The following PPARGC1A variants were observed in gnomAD, a reference collection of about 807,000 sequenced individuals.
PPARGC1A encodes the protein peroxisome proliferator-activated receptor gamma coactivator 1-alpha.
Under a neutral mutation model 88.7 loss-of-function variants are expected in PPARGC1A, and 25 were observed. The ratio of observed to expected loss-of-function variants is 0.28; its 90% CI spans 0.21 to 0.39. The LOEUF is 0.39. Among genes scored for constraint, PPARGC1A ranks in the 10% least tolerant of loss-of-function variants. The probability of loss-of-function intolerance (pLI) is 1.00; values close to 1 mark genes in which losing one functional copy is unlikely to be tolerated. For synonymous variants in PPARGC1A, 363 were observed against 355.6 expected (o/e 1.02, Z -0.24); for missense variants, 880 against 968.7 (o/e 0.91, Z 1.22).
At chr4:24,383,520 A>G in the PPARGC1A span, among the ~76,000 whole-genome samples, 363 of 152,296 alleles carry the variant, frequency 2.4e-3, 3 homozygotes, top group African/African-American at 8.5e-3. Flanking sequence ...ACCAGTTTAG[A>G]GAAGAACATA....
At chr4:23,861,807 T>C (rs1731264970) in intron 2 of PPARGC1A, among the ~76,000 whole-genome samples, 2 of 152,226 alleles carry the variant, frequency 1.3e-5, no homozygotes, top group African/African-American at 4.8e-5. Flanking sequence ...GAAATATACA[T>C]ATATTCCATT....
At chr4:24,120,806 A>G in the PPARGC1A span, among the ~76,000 whole-genome samples, 1 of 152,168 alleles carries the variant, frequency 6.6e-6, no homozygotes. Flanking sequence ...TGAGCTAGAA[A>G]GTGGTCCCTC....
At chr4:24,105,381 G>T in the PPARGC1A span, among the ~76,000 whole-genome samples, 1 of 152,170 alleles carries the variant, frequency 6.6e-6, no homozygotes, top group Admixed American at 6.5e-5. Context: ...CTGGTGAAAA[G>T]CTAGGGGGAG....
At chr4:23,853,903 T>C (rs886350918) in intron 2 of PPARGC1A, among the ~76,000 whole-genome samples, 1 of 152,170 alleles carries the variant, frequency 6.6e-6, no homozygotes, top group African/African-American at 2.4e-5. Context: ...ATTACTAGGA[T>C]TGGGGACCTA....
chr4:24,033,374 A>G, the PPARGC1A span, among the ~76,000 whole-genome samples: 2 of 151,134 alleles, frequency 1.3e-5, no homozygotes, highest in African/African-American at 4.9e-5. Context: ...TAAAGGAGAT[A>G]GAAGGGATAA....
chr4:23,958,298 A>C, the PPARGC1A span, among the ~76,000 whole-genome samples: 1 of 152,174 alleles, frequency 6.6e-6, no homozygotes, highest in African/African-American at 2.4e-5. Context: ...CCTCTAGATG[A>C]AACAATTTGA....
the PPARGC1A span, among the ~76,000 whole-genome samples, chr4:24,423,947 G>T: frequency 1.3e-5 from 2 of 152,058 alleles, no homozygotes; most frequent in African/African-American, 4.8e-5. Flanking sequence ...ATTCTTTTTG[G>T]CACCTTTTCT....
the PPARGC1A span, among the ~76,000 whole-genome samples, chr4:24,271,613 G>A: frequency 1.3e-5 from 2 of 152,048 alleles, no homozygotes; most frequent in Non-Finnish European, 2.9e-5. Flanking sequence ...TCCTGACCTC[G>A]TGATCCACCC....
rs753811432 is a variant in PPARGC1A, at chr4:23,828,506, G to A, written c.651C>T (p.Asn217=). Residue 217 remains asparagine, a synonymous_variant, in exon 5 of 13, where the codon AAC becomes AAT. Coordinates refer to ENST00000264867, the MANE Select transcript of PPARGC1A (RefSeq NM_013261.5). Reference sequence around the variant, plus strand: ...TGGGTTTGGTGTGAGGAGGGTCATCGTTTGTGGTCAGATATTTGAGAAGCT... The same window carrying A: ...TGGGTTTGGTGTGAGGAGGGTCATCATTTGTGGTCAGATATTTGAGAAGCT... The part of the protein sequence containing the change: ...CSELLKYLTT[N]DDPPHTKPTE... The A allele has an allele frequency of 6.8e-6, 11 of 1,613,912 alleles. No homozygotes were observed. The highest frequency in any genetic ancestry group is 5.9e-6 in the Non-Finnish European group (7 of 1,179,950).
chr4:24,390,713 G>A, the PPARGC1A span, among the ~76,000 whole-genome samples: 1 of 151,882 alleles, frequency 6.6e-6, no homozygotes, highest in Non-Finnish European at 1.5e-5. Context: ...CATTTCCCAG[G>A]TTACGAAGTA....
the PPARGC1A span, among the ~76,000 whole-genome samples, chr4:24,317,122 G>T: frequency 1.3e-5 from 2 of 152,118 alleles, no homozygotes; most frequent in Admixed American, 6.6e-5. Context: ...GCTTAAAGAG[G>T]TTGGGTAAGC....
At chr4:24,354,760 G>A in the PPARGC1A span, among the ~76,000 whole-genome samples, 9 of 152,102 alleles carry the variant, frequency 5.9e-5, no homozygotes, top group South Asian at 8.3e-4. Context: ...GGTGGCAGGC[G>A]CCTGTAGTCC....
the PPARGC1A span, among the ~76,000 whole-genome samples, chr4:24,138,814 T>C: frequency 1.3e-5 from 2 of 152,208 alleles, no homozygotes; most frequent in South Asian, 4.1e-4. Flanking sequence ...AAGATCCTAG[T>C]GTGTGCATAT....
the PPARGC1A span, among the ~76,000 whole-genome samples, chr4:24,468,580 C>A: frequency 6.6e-6 from 1 of 152,136 alleles, no homozygotes; most frequent in Non-Finnish European, 1.5e-5. Flanking sequence ...ACATTGGGCT[C>A]TCTCCAAAAA....
At chr4:24,251,102 C>T in the PPARGC1A span, among the ~76,000 whole-genome samples, 1 of 152,266 alleles carries the variant, frequency 6.6e-6, no homozygotes, top group African/African-American at 2.4e-5. Flanking sequence ...CTGTAAAAAT[C>T]ATTGTTTTCC....
the PPARGC1A span, among the ~76,000 whole-genome samples, chr4:24,127,854 G>T: frequency 6.6e-6 from 1 of 152,030 alleles, no homozygotes; most frequent in Non-Finnish European, 1.5e-5. Context: ...AAAATAGTAA[G>T]GAAAATGCAT....
At chr4:23,812,482 A>G (rs1433497148) in intron 10 of PPARGC1A, among the ~76,000 whole-genome samples, 1 of 152,114 alleles carries the variant, frequency 6.6e-6, no homozygotes, top group Non-Finnish European at 1.5e-5. Context: ...TACTCCCTCC[A>G]TTTTTCAAAA....
At chr4:24,276,396 A>G in the PPARGC1A span, among the ~76,000 whole-genome samples, 2 of 152,182 alleles carry the variant, frequency 1.3e-5, no homozygotes, top group Admixed American at 6.5e-5. Flanking sequence ...CCATTCCTAC[A>G]CAAATGCAGA....
chr4:24,231,296 T>C, the PPARGC1A span, among the ~76,000 whole-genome samples: 1 of 152,246 alleles, frequency 6.6e-6, no homozygotes, highest in Non-Finnish European at 1.5e-5. Flanking sequence ...CAGGAACCTC[T>C]GGGTTTAAAA....
Sources: gnomAD v4.1 joint callset for allele counts (sites outside exome capture counted in the v4.1 genomes callset) on GRCh38, gnomAD v4.1.1 for gene constraint, MANE v1.5 for transcripts, NCBI Gene and HGNC (gene_info 2026-07-23, HGNC 2026-07-21) for gene names.